The following PHF24 variants were observed in gnomAD, a reference collection of about 807,000 sequenced individuals.
PHF24 encodes Galpha inhibitory interacting protein.
A neutral mutation model predicts 42.6 loss-of-function variants in PHF24; 25 were observed. The ratio of observed to expected loss-of-function variants is 0.59; its 90% confidence interval spans 0.43 to 0.82. The LOEUF (loss-of-function observed/expected upper bound fraction) is 0.82. Ranked by LOEUF, PHF24 falls within the 40% of genes least tolerant of loss-of-function variation. The pLI is 0.00. For missense variants in PHF24, 470 were observed against 538.1 expected, an observed-to-expected ratio of 0.87 and a Z score of 1.25; for synonymous variants, 185 against 204.8, an observed-to-expected ratio of 0.90 and a Z score of 0.83.
chr9:34,837,722 A>G, the PHF24 span: 2 of 1,463,530 alleles, frequency 1.4e-6, no homozygotes, highest in Non-Finnish European at 1.9e-6. Flanking sequence ...AAACATTAGA[A>G]TGTGAAGCTG....
the PHF24 span, among the ~76,000 whole-genome samples, chr9:34,722,776 A>C: frequency 6.6e-6 from 1 of 152,222 alleles, no homozygotes; most frequent in Non-Finnish European, 1.5e-5. Flanking sequence ...GATTCAACTA[A>C]TGTAAGGTCT....
chr9:34,688,312 CCCTTAGAGAA>C, the PHF24 span, among the ~76,000 whole-genome samples: 1 of 152,168 alleles, frequency 6.6e-6, no homozygotes, highest in African/African-American at 2.4e-5. Context: ...GCTGGAGAGG[CCCTTAGAGAA>C]CACTGTCTGG....
the PHF24 span, among the ~76,000 whole-genome samples, chr9:34,805,933 A>C: frequency 2.0e-5 from 3 of 152,210 alleles, no homozygotes; most frequent in South Asian, 6.2e-4. Context: ...AAAAGAAAAC[A>C]GTTGGCCCAG....
the PHF24 span, among the ~76,000 whole-genome samples, chr9:34,686,053 C>G: frequency 6.6e-6 from 1 of 152,146 alleles, no homozygotes. Flanking sequence ...AAAGCAGTGC[C>G]CAGTACCTGG....
At chr9:34,885,188 G>T in the PHF24 span, among the ~76,000 whole-genome samples, 7 of 152,198 alleles carry the variant, frequency 4.6e-5, no homozygotes, top group Non-Finnish European at 8.8e-5. Flanking sequence ...GGCTCAGTAG[G>T]CCTAGACCTT....
chr9:34,909,820 C>T, the PHF24 span, among the ~76,000 whole-genome samples: 8 of 152,086 alleles, frequency 5.3e-5, no homozygotes, highest in African/African-American at 1.9e-4. Context: ...GACGGGGTTT[C>T]ACTGTGTTAG....
At chr9:34,893,885 A>G in the PHF24 span, among the ~76,000 whole-genome samples, 24,317 of 152,190 alleles carry the variant, frequency 0.16, 2,591 homozygotes, top group East Asian at 0.49. Context: ...CTTGAAGTTC[A>G]TGTAGGACCT....
At chr9:34,845,567 G>A in the PHF24 span, among the ~76,000 whole-genome samples, 1 of 151,974 alleles carries the variant, frequency 6.6e-6, no homozygotes, top group African/African-American at 2.4e-5. Flanking sequence ...TACTTTAGCT[G>A]ATAACAAGTT....
the PHF24 span, among the ~76,000 whole-genome samples, chr9:34,847,882 G>A: frequency 3.3e-5 from 5 of 152,294 alleles, no homozygotes; most frequent in South Asian, 1.0e-3. Flanking sequence ...CTTTGGTTCT[G>A]TTTATATGCT....
the PHF24 span, among the ~76,000 whole-genome samples, chr9:34,792,406 C>A: frequency 6.6e-6 from 1 of 152,234 alleles, no homozygotes; most frequent in African/African-American, 2.4e-5. Flanking sequence ...TGCAGTGGCT[C>A]ACGCCTGTAA....
chr9:34,905,416 G>A, the PHF24 span, among the ~76,000 whole-genome samples: 1 of 152,220 alleles, frequency 6.6e-6, no homozygotes, highest in Non-Finnish European at 1.5e-5. Flanking sequence ...CACTGTAGGG[G>A]ATATAAAAGT....
chr9:34,747,294 T>TA, the PHF24 span, among the ~76,000 whole-genome samples: 1 of 152,068 alleles, frequency 6.6e-6, no homozygotes, highest in Non-Finnish European at 1.5e-5. Context: ...CCTGTGCCTA[T>TA]AGTTTTAACC....
chr9:34,921,752 T>C, the PHF24 span, among the ~76,000 whole-genome samples: 2 of 152,192 alleles, frequency 1.3e-5, no homozygotes, highest in African/African-American at 4.8e-5. Flanking sequence ...ACCACAGCCT[T>C]GTAAGTGCTC....
At chr9:34,833,885 C>T in the PHF24 span, 1 of 1,548,820 alleles carries the variant, frequency 6.5e-7, no homozygotes, top group Non-Finnish European at 8.7e-7. Flanking sequence ...GACAGATTGG[C>T]TAGTGACTGC....
At chr9:34,740,271 C>T in the PHF24 span, among the ~76,000 whole-genome samples, 29 of 152,334 alleles carry the variant, frequency 1.9e-4, no homozygotes, top group Non-Finnish European at 2.8e-4. Context: ...TGGGACTGGG[C>T]GCCATGGAGC....
the PHF24 span, among the ~76,000 whole-genome samples, chr9:34,781,713 G>C: frequency 6.6e-6 from 1 of 151,706 alleles, no homozygotes; most frequent in Non-Finnish European, 1.5e-5. Context: ...TCTCAGTAAG[G>C]CTGTTAGGGA....
the PHF24 span, among the ~76,000 whole-genome samples, chr9:34,930,734 G>A: frequency 3.3e-5 from 5 of 152,146 alleles, no homozygotes; most frequent in African/African-American, 1.2e-4. Flanking sequence ...AGAGGAACTA[G>A]CCCAGATTAC....
At chr9:34,894,585 G>A in the PHF24 span, 1 of 398,158 alleles carries the variant, frequency 2.5e-6, no homozygotes, top group Non-Finnish European at 4.4e-6. Context: ...GCCTTTTAAT[G>A]AGAAGATACT....
chr9:34,689,663 C>T, the PHF24 span: 1 of 794,954 alleles, frequency 1.3e-6, no homozygotes, highest in Non-Finnish European at 2.1e-6. The surrounding 1 kb of genome is among the most constrained non-coding windows in gnomAD (Gnocchi z 4.1). Flanking sequence ...CGCTCACACT[C>T]ACACTCACAC....
Sources: gnomAD v4.1 joint callset for allele counts (sites outside exome capture counted in the v4.1 genomes callset) on GRCh38, gnomAD v4.1.1 for gene constraint, Gnocchi (gnomAD v3.1) non-coding constraint, MANE v1.5 for transcripts, NCBI Gene and HGNC (gene_info 2026-07-23, HGNC 2026-07-21) for gene names.